HTT: variants seen among roughly 807,000 people sequenced by gnomAD.
The protein encoded by HTT is huntington disease protein.
In HTT, 104 loss-of-function variants were observed where a neutral mutation model predicts 362.3. That is an observed-to-expected ratio of 0.29 (90% CI 0.24 to 0.34). The LOEUF (loss-of-function observed/expected upper bound fraction) is 0.34, where lower values mean the gene tolerates loss of function less well. HTT is among the 10% of genes least tolerant of loss of function. The probability of loss-of-function intolerance (pLI) is 1.00; values close to 1 mark genes in which losing one functional copy is unlikely to be tolerated. For missense variants in HTT, 3,301 were observed against 3,928.6 expected (o/e 0.84, Z 4.27); for synonymous variants, 1,577 against 1,548.7 (o/e 1.02, Z -0.43).
intron 27 of HTT, among the ~76,000 whole-genome samples, chr4:3,155,322 A>G (rs1418628221): frequency 6.6e-6 from 1 of 151,604 alleles, no homozygotes; most frequent in East Asian, 2.0e-4. Flanking sequence ...CCTGGGTTCA[A>G]GCAATTCTCC....
intron 3 of HTT, among the ~76,000 whole-genome samples, chr4:3,099,699 TATGGTTTGCAGGTGCTCTATTGC>T (rs1269988518): frequency 1.3e-5 from 2 of 151,374 alleles, no homozygotes; most frequent in Non-Finnish European, 2.9e-5. Flanking sequence ...GGTGGTCTTG[TATGGTTTGCAGGTGCTCTATTGC>T]ATGGTTTGCA....
At chr4:3,239,586 G>A (rs1486478825) in intron 66 of HTT, among the ~76,000 whole-genome samples, 6 of 152,216 alleles carry the variant, frequency 3.9e-5, no homozygotes, top group Admixed American at 1.3e-4. Context: ...GGCCACCAGC[G>A]CTGCACAGGA....
chr4:3,209,719 G>C lies in HTT; in HGVS notation c.6292-108G>C, dbSNP rs575301039. ...AGCCTGCCGGCCGGCAGCCCTCTCA[G>C]CCTAGTGCGGTGTTCCCAAGCACTG... is the stretch of plus-strand genomic sequence containing the variant. On this transcript the variant is annotated intron_variant, in intron 46 of 66. Coordinates refer to ENST00000355072, the MANE Select transcript of HTT (RefSeq NM_001388492.1). The C allele has an allele frequency of 3.5e-4, 485 of 1,385,272 alleles. 2 individuals carry two copies. The South Asian group carries it at 4.7e-3, about 14-fold the overall frequency. The allele number at this position is 1,385,272 out of a possible 1,614,324, so 85.8% of individuals were successfully genotyped here.
chr4:3,091,232 G>C (rs1210331438), intron 2 of HTT, among the ~76,000 whole-genome samples: 2 of 152,204 alleles, frequency 1.3e-5, no homozygotes, highest in Non-Finnish European at 1.5e-5. Context: ...GAGTGTATGT[G>C]TGTATCTGTA....
At position 3,075,190 on chromosome 4, in the gene HTT, G is replaced by A. The variant is rs1298224193; in HGVS notation, c.263+102G>A. ...TGCGGGCCGGCGACACGAACCCCCG[G>A]CCCCGCAGAGACAGAGTGACCCAGC... is the stretch of plus-strand genomic sequence containing the variant. On this transcript the variant is annotated intron_variant, in intron 1 of 66. Transcript: ENST00000355072. 5.5e-6 allele frequency: 6 copies of A among 1,087,420 alleles called. No individual in the cohort carries two copies. The East Asian group carries it at 1.2e-4, about 23-fold the overall frequency. 67.4% of individuals were successfully genotyped at this position (1,087,420 alleles called of 1,614,324 possible).
chr4:3,169,258 T>A (rs1717857119), intron 29 of HTT, among the ~76,000 whole-genome samples: 1 of 152,120 alleles, frequency 6.6e-6, no homozygotes. Context: ...GACCTCGTGA[T>A]CTGCCCGCCT....
At chr4:3,137,196 G>A (rs1349089972) in intron 21 of HTT, among the ~76,000 whole-genome samples, 1 of 152,064 alleles carries the variant, frequency 6.6e-6, no homozygotes, top group Non-Finnish European at 1.5e-5. Flanking sequence ...GTGAGCCATG[G>A]CGCCTGGCCA....
At chr4:3,224,533 CG>C (rs553208976) in intron 56 of HTT, among the ~76,000 whole-genome samples, 12 of 152,320 alleles carry the variant, frequency 7.9e-5, no homozygotes, top group African/African-American at 2.9e-4. Flanking sequence ...CTGAGCACCC[CG>C]CTCCCTGCAC....
At chr4:3,223,823 A>C (rs1280946221) in intron 55 of HTT, among the ~76,000 whole-genome samples, 169 bp from the exon 56 acceptor site, 1 of 152,246 alleles carries the variant, frequency 6.6e-6, no homozygotes, top group Non-Finnish European at 1.5e-5. Context: ...GCAGGCAACT[A>C]GTAGAACACC....
rs1184513010 is a variant in HTT at position 3,182,298 on chromosome 4, A to G, written c.4750-56A>G. ...GGACAAGTATAACAGACGGACACGT[A>G]GGGGTGGAAAGGCGTCTCTTGGCAG... On this transcript the variant is annotated intron_variant, in intron 36 of 66. Coordinates refer to ENST00000355072, the MANE Select transcript of HTT (RefSeq NM_001388492.1). 3 of 1,051,258 alleles carry G rather than the reference A, an allele frequency of 2.9e-6. No individual in the cohort carries two copies. The East Asian group carries it at 7.1e-5, about 25-fold the overall frequency. 65.1% of individuals were successfully genotyped at this position (1,051,258 alleles called of 1,614,324 possible).
At chr4:3,229,186 C>G (rs999436668) in intron 59 of HTT, among the ~76,000 whole-genome samples, 177 bp downstream of exon 59, 7 of 151,064 alleles carry the variant, frequency 4.6e-5, no homozygotes, top group African/African-American at 1.7e-4. Flanking sequence ...GCCACATGCA[C>G]ACACATACAC....
At chr4:3,167,157 T>C (rs1044678103) in intron 29 of HTT, among the ~76,000 whole-genome samples, 2 of 152,210 alleles carry the variant, frequency 1.3e-5, no homozygotes, top group Non-Finnish European at 2.9e-5. Context: ...CTGCAACCTT[T>C]GCCTCCTGGT....
At chr4:3,149,097 A>G (rs1174263241) in intron 26 of HTT, among the ~76,000 whole-genome samples, 1 of 152,202 alleles carries the variant, frequency 6.6e-6, no homozygotes, top group African/African-American at 2.4e-5. Flanking sequence ...GTTCCTGGCC[A>G]AGTACCTCAT....
rs777321721 is a variant in HTT, at chr4:3,146,811, G to A, written c.3158G>A (p.Ser1053Asn). 6.2e-7 allele frequency: 1 copy of A among 1,614,074 alleles called. No homozygotes were observed. Among genetic ancestry groups the A allele is most frequent in the Admixed American group, 1.7e-5 (1 of 60,024 alleles). Residue 1053 changes from serine (S) to asparagine (N), a missense_variant, in exon 25 of 67, where the codon AGT becomes AAT. Around this residue, in one of 4 missense-constraint regions of HTT, gnomAD observed 2,316 missense variants for 2,658.5 expected, o/e 0.87. Coordinates refer to ENST00000355072, the MANE Select transcript of HTT (RefSeq NM_001388492.1). ...TCTGCTTCCAGAGTGCCTCCACTGAGTGCCTCAGATGAGTCTAGGAAGAGC... is the reference window on the plus strand; with the variant it reads ...TCTGCTTCCAGAGTGCCTCCACTGAATGCCTCAGATGAGTCTAGGAAGAGC... ...LGWHCGVPPLSASDESRKSCT... is the reference protein window; with the variant it reads ...LGWHCGVPPLNASDESRKSCT...
chr4:3,173,808 A>G (rs1322396963), intron 31 of HTT, among the ~76,000 whole-genome samples: 1 of 151,828 alleles, frequency 6.6e-6, no homozygotes, highest in African/African-American at 2.4e-5. Context: ...AGCTGGGACT[A>G]CAGGCGCCTG....
chr4:3,212,703 C>A lies in HTT; in HGVS notation c.6768C>A (p.Thr2256=). The A allele has an allele frequency of 6.2e-7, 1 of 1,614,122 alleles. No homozygotes were observed. The highest frequency in any genetic ancestry group is 8.5e-7 in the Non-Finnish European group (1 of 1,179,998). Residue 2256 remains threonine (T), a synonymous_variant, in exon 49 of 67, where the codon ACC becomes ACA. Transcript: ENST00000355072. ...EKDIVKFVVA[T]LEALSWHLIH... ...ACATTGTGAAATTCGTGGTGGCAACCCTTGAGGTAAGAGGCAGCTCGGGAG... is the reference window on the plus strand; with the variant it reads ...ACATTGTGAAATTCGTGGTGGCAACACTTGAGGTAAGAGGCAGCTCGGGAG...
intron 1 of HTT, among the ~76,000 whole-genome samples, chr4:3,075,754 C>G (rs1041993476): frequency 6.6e-6 from 1 of 151,944 alleles, no homozygotes; most frequent in South Asian, 2.1e-4. Flanking sequence ...CAGGACATTT[C>G]ATTTAGTTCA....
intron 19 of HTT, among the ~76,000 whole-genome samples, chr4:3,135,555 G>A (rs1242767083): frequency 6.6e-6 from 1 of 152,096 alleles, no homozygotes; most frequent in East Asian, 1.9e-4. Context: ...CACAGATAGG[G>A]ACGCTGAGCG....
rs193136252 is a variant in HTT at position 3,143,696 on chromosome 4, C to T, written c.3066+810C>T. Among the ~76,000 whole-genome samples the T allele has an allele frequency of 5.0e-3, 758 of 151,360 alleles. 4 individuals are homozygous for T. Among genetic ancestry groups the T allele is most frequent in the Non-Finnish European group, 8.2e-3 (559 of 67,870 alleles). ...TCAGCTCACCACAACCTCCACCTCC[C>T]GGGTTCAAGCAATTCTCCTGCCTCA... On this transcript the variant is annotated intron_variant, in intron 23 of 66. Transcript: ENST00000355072.
Sources: allele counts gnomAD v4.1 joint callset (sites outside exome capture counted in the v4.1 genomes callset), GRCh38; gene constraint gnomAD v4.1.1; regional missense constraint gnomAD v4.1.1; transcripts MANE v1.5; gene names NCBI Gene and HGNC (gene_info 2026-07-23, HGNC 2026-07-21).